The following PALS1 variants were observed in gnomAD, a reference collection of about 807,000 sequenced individuals.
PALS1 encodes the protein protein PALS1.
A neutral mutation model predicts 78.9 loss-of-function variants in PALS1; 31 were observed. The ratio of observed to expected loss-of-function variants is 0.39; its 90% CI spans 0.30 to 0.53. PALS1 has a LOEUF of 0.53. PALS1 is among the 20% of genes least tolerant of loss of function. PALS1 has a pLI of 0.67. For synonymous variants in PALS1, 276 were observed against 270.9 expected, an observed-to-expected ratio of 1.02 and a Z score of -0.18; for missense variants, 704 against 826.5, an observed-to-expected ratio of 0.85 and a Z score of 1.82.
chr14:67,335,748 T>C lies in PALS1; in HGVS notation c.*2792T>C, dbSNP rs1214039525. On this transcript the variant is annotated 3_prime_UTR_variant, in exon 15 of 15. Transcript: ENST00000261681. ...CTCTTTTCCTGTATCTGCACTGTTA[T>C]TTTGAGATGTCATACTGTACACTGT... The C allele has an allele frequency of 6.5e-6, 1 of 152,678 alleles. No homozygotes were observed. Among genetic ancestry groups the C allele is most frequent in the African/African-American group, 2.4e-5 (1 of 41,456 alleles). 9.5% of individuals were successfully genotyped at this position (152,678 alleles called of 1,614,324 possible).
In PALS1 at chr14:67,259,428, C is replaced by T. The variant is rs573668126; in HGVS notation, c.-236-10273C>T. Among the ~76,000 whole-genome samples the T allele has an allele frequency of 8.6e-5, 13 of 151,444 alleles. No individual in the cohort carries two copies. In the East Asian group the frequency reaches 2.4e-3, roughly 28 times the overall value. Reference sequence around the variant, plus strand: ...GACTTTGAGACCAGCCTGGCCAACACGGTGAAACCCCGTCTCTACTAAAAA... The same window carrying T: ...GACTTTGAGACCAGCCTGGCCAACATGGTGAAACCCCGTCTCTACTAAAAA... On this transcript the variant is annotated intron_variant, in intron 1 of 14. Transcript: ENST00000261681.
chr14:67,300,886 C>T (rs1249290762), intron 4 of PALS1, among the ~76,000 whole-genome samples: 1 of 151,144 alleles, frequency 6.6e-6, no homozygotes, highest in Non-Finnish European at 1.5e-5. Context: ...GAGACAGGGT[C>T]TCACTGTGTT....
intron 4 of PALS1, among the ~76,000 whole-genome samples, chr14:67,294,037 A>G (rs1329834107): frequency 2.0e-5 from 3 of 152,236 alleles, no homozygotes; most frequent in Non-Finnish European, 4.4e-5. Flanking sequence ...AAGTGGCTTA[A>G]AGAGTAAATG....
intron 3 of PALS1, among the ~76,000 whole-genome samples, chr14:67,290,602 T>G (rs2084757083): frequency 6.6e-6 from 1 of 152,226 alleles, no homozygotes; most frequent in East Asian, 1.9e-4. Context: ...CTCACCATGT[T>G]GCCCAGGCTG....
chr14:67,315,010 A>C (rs2085145732), intron 9 of PALS1, among the ~76,000 whole-genome samples: 1 of 152,154 alleles, frequency 6.6e-6, no homozygotes, highest in Non-Finnish European at 1.5e-5. Context: ...CAGGAGGCTG[A>C]GGTGGAAGGA....
intron 9 of PALS1, among the ~76,000 whole-genome samples, chr14:67,313,741 A>G (rs1206901569): frequency 1.3e-5 from 2 of 152,016 alleles, no homozygotes; most frequent in Non-Finnish European, 2.9e-5. Context: ...TCGCTTACAT[A>G]CTTTACTTGA....
At chr14:67,247,403 G>C (rs550174928) in intron 1 of PALS1, among the ~76,000 whole-genome samples, 1 of 152,066 alleles carries the variant, frequency 6.6e-6, no homozygotes, top group Non-Finnish European at 1.5e-5. Context: ...AGCTCTAGGA[G>C]CTTTTTTATT....
intron 1 of PALS1, 113 bp from the exon 2 acceptor site, chr14:67,269,588 T>G (rs1404359360): frequency 6.6e-6 from 1 of 152,572 alleles, no homozygotes; most frequent in Non-Finnish European, 1.5e-5. Context: ...ATCCTAGCTA[T>G]CTGCAGACAG....
chr14:67,288,246 A>AT (rs1186961888), intron 3 of PALS1, among the ~76,000 whole-genome samples: 1 of 151,876 alleles, frequency 6.6e-6, no homozygotes, highest in East Asian at 1.9e-4. Flanking sequence ...CACCCAGCTA[A>AT]TTTTTTTGTA....
intron 8 of PALS1, among the ~76,000 whole-genome samples, chr14:67,309,440 A>G (rs977956272): frequency 6.6e-6 from 1 of 152,222 alleles, no homozygotes; most frequent in Non-Finnish European, 1.5e-5. Context: ...ATTTTAGGAA[A>G]GTAAGAGCTT....
intron 2 of PALS1, among the ~76,000 whole-genome samples, chr14:67,275,472 A>G (rs1292175654): frequency 1.3e-5 from 2 of 152,158 alleles, no homozygotes; most frequent in Non-Finnish European, 2.9e-5. Context: ...GATGAAGCCC[A>G]TTTGATTGTG....
intron 2 of PALS1, among the ~76,000 whole-genome samples, chr14:67,274,477 C>G (rs896766994): frequency 6.6e-6 from 1 of 152,010 alleles, no homozygotes; most frequent in Admixed American, 6.6e-5. Context: ...TTCCATTGGT[C>G]TATATCTCTG....
chr14:67,278,744 T>C (rs1198483077), intron 2 of PALS1, among the ~76,000 whole-genome samples: 1 of 152,338 alleles, frequency 6.6e-6, no homozygotes, highest in Admixed American at 6.5e-5. Flanking sequence ...TTTACTTTCC[T>C]ACTTTGCTAA....
chr14:67,317,659 C>A (rs1240711665), intron 11 of PALS1, among the ~76,000 whole-genome samples, 180 bp downstream of exon 11: 1 of 152,128 alleles, frequency 6.6e-6, no homozygotes, highest in East Asian at 1.9e-4. Flanking sequence ...TACAAAAATT[C>A]AAGTACTATT....
At chr14:67,301,562 T>G in intron 5 of PALS1, 96 bp downstream of exon 5, 1 of 706,092 alleles carries the variant, frequency 1.4e-6, no homozygotes, top group Non-Finnish European at 2.3e-6. Flanking sequence ...TGTCAAACAT[T>G]CTCTAGCCTA....
At chr14:67,280,849 T>TTCCTTCCTTCCC (rs1555520230) in intron 3 of PALS1, among the ~76,000 whole-genome samples, 74 of 101,498 alleles carry the variant, frequency 7.3e-4, no homozygotes, top group African/African-American at 4.3e-3. Context: ...CCTTCCTTCC[T>TTCCTTCCTTCCC]TCCTTCCCTC....
At chr14:67,272,069 A>G (rs1437873269) in intron 2 of PALS1, 1 of 152,066 alleles carries the variant, frequency 6.6e-6, no homozygotes, top group African/African-American at 2.4e-5. Flanking sequence ...CAAAAAAAAA[A>G]AAAAAGTTCA....
At chr14:67,286,734 T>A (rs2084694397) in intron 3 of PALS1, among the ~76,000 whole-genome samples, 1 of 151,164 alleles carries the variant, frequency 6.6e-6, no homozygotes, top group Non-Finnish European at 1.5e-5. Context: ...GGAATGCGAC[T>A]GTGGTCTTAG....
intron 13 of PALS1, among the ~76,000 whole-genome samples, chr14:67,323,470 C>T (rs1013140586): frequency 2.0e-5 from 3 of 151,552 alleles, no homozygotes; most frequent in Admixed American, 2.0e-4. Flanking sequence ...AAAAAGTTAG[C>T]TGAACATGGT....
Sources: gnomAD v4.1 joint callset for allele counts (sites outside exome capture counted in the v4.1 genomes callset) on GRCh38, gnomAD v4.1.1 for gene constraint, MANE v1.5 for transcripts, NCBI Gene and HGNC (gene_info 2026-07-23, HGNC 2026-07-21) for gene names.